FAM3B: variants seen among roughly 807,000 people sequenced by gnomAD.
FAM3B encodes the protein FAM3 metabolism regulating signaling molecule B.
A neutral mutation model predicts 28.4 loss-of-function variants in FAM3B; 29 were observed. The observed-to-expected ratio is 1.02, with a 90% CI of 0.76 to 1.39. The LOEUF (loss-of-function observed/expected upper bound fraction) is 1.39. FAM3B is among the 40% of genes most tolerant of loss of function. The probability of loss-of-function intolerance (pLI) is 0.00; values close to 1 mark genes in which losing one functional copy is unlikely to be tolerated. For missense variants in FAM3B, 266 were observed against 293.9 expected, an observed-to-expected ratio of 0.91 and a Z score of 0.69; for synonymous variants, 91 against 103.0, an observed-to-expected ratio of 0.88 and a Z score of 0.71.
intron 2 of FAM3B, among the ~76,000 whole-genome samples, chr21:41,336,973 C>G (rs956285349): frequency 2.0e-5 from 3 of 152,074 alleles, no homozygotes; most frequent in African/African-American, 7.2e-5. Flanking sequence ...TTAAATCTGT[C>G]GAGCTCATCT....
At chr21:41,314,277 C>T (rs1433032332), upstream of FAM3B, among the ~76,000 whole-genome samples, 1 of 152,198 alleles carries the variant, frequency 6.6e-6, no homozygotes, top group Non-Finnish European at 1.5e-5. Flanking sequence ...CAGCCAGTAC[C>T]TTGACCTTAG....
intron 1 of FAM3B, chr21:41,320,189 A>G (rs1283533122): frequency 6.6e-6 from 1 of 152,062 alleles, no homozygotes; most frequent in South Asian, 2.1e-4. Context: ...GCTCACTGCA[A>G]CCTCAAAGTT....
intron 7 of FAM3B, among the ~76,000 whole-genome samples, chr21:41,351,961 C>T (rs961579116): frequency 5.3e-5 from 8 of 152,184 alleles, no homozygotes; most frequent in Non-Finnish European, 1.0e-4. Context: ...CATAGGCCTG[C>T]GCCTCTTCTG....
At chr21:41,349,857 C>T (rs2838019) in intron 7 of FAM3B, among the ~76,000 whole-genome samples, 15,635 of 152,252 alleles carry the variant, frequency 0.1, 891 homozygotes, top group Middle Eastern at 0.14. Context: ...CCCCTTGTGA[C>T]TTCATGTTCC....
At chr21:41,336,907 G>A (rs1009237605) in intron 2 of FAM3B, among the ~76,000 whole-genome samples, 1 of 151,998 alleles carries the variant, frequency 6.6e-6, no homozygotes, top group Non-Finnish European at 1.5e-5. Context: ...CTCTCTTTTG[G>A]TTTCCATTTG....
At chr21:41,334,103 A>G (rs1483573289) in intron 2 of FAM3B, among the ~76,000 whole-genome samples, 2 of 152,216 alleles carry the variant, frequency 1.3e-5, no homozygotes, top group African/African-American at 4.8e-5. Context: ...ACCTGCGCTT[A>G]TAAGTGTGAG....
chr21:41,308,715 T>G (rs1322210132), intron 1 of FAM3B, among the ~76,000 whole-genome samples: 1 of 151,996 alleles, frequency 6.6e-6, no homozygotes, highest in African/African-American at 2.4e-5. Context: ...AATTTTGTAT[T>G]TTTAGTAGAG....
intron 5 of FAM3B, chr21:41,346,022 T>TTAA (rs577363844): frequency 1.0e-4 from 21 of 202,064 alleles, no homozygotes; most frequent in South Asian, 4.4e-4. Flanking sequence ...GCCTTTTTTT[T>TTAA]AAAAAAAAAA....
chr21:41,338,351 G>A (rs1482655490), intron 2 of FAM3B, 27 bp from the exon 3 acceptor site: 1 of 1,612,990 alleles, frequency 6.2e-7, no homozygotes, highest in Admixed American at 1.7e-5. Context: ...GGATGTTAAT[G>A]GCTATATACT....
At chr21:41,315,237 A>G (rs2123687777), upstream of FAM3B, among the ~76,000 whole-genome samples, 1 of 152,296 alleles carries the variant, frequency 6.6e-6, no homozygotes, top group South Asian at 2.1e-4. Context: ...TAGAGTGCTC[A>G]ACTTCATAGA....
At chr21:41,343,172 T>C (rs1310416953) in intron 3 of FAM3B, among the ~76,000 whole-genome samples, 2 of 152,216 alleles carry the variant, frequency 1.3e-5, no homozygotes, top group Non-Finnish European at 1.5e-5. Context: ...GCTTCCAACT[T>C]CTGTTCCCTT....
chr21:41,312,722 AGTGTGTGT>A (rs10580404), upstream of FAM3B, among the ~76,000 whole-genome samples: 51 of 148,324 alleles, frequency 3.4e-4, no homozygotes, highest in African/African-American at 1.0e-3. Context: ...TGTGTGTGAG[AGTGTGTGT>A]GTGTGTGTGT....
intron 1 of FAM3B, among the ~76,000 whole-genome samples, chr21:41,317,848 A>G (rs1216229321): frequency 6.6e-6 from 1 of 152,136 alleles, no homozygotes; most frequent in Non-Finnish European, 1.5e-5. Flanking sequence ...AAATGTAGGA[A>G]AGCCGCATTT....
chr21:41,346,953 C>T (rs2089066164), intron 5 of FAM3B, 60 bp from the exon 6 acceptor site: 3 of 1,495,456 alleles, frequency 2.0e-6, no homozygotes, highest in Middle Eastern at 3.4e-4. Context: ...AAGCCCAGCA[C>T]CCAAGGCAGA....
chr21:41,339,827 GA>G (rs1434339079), intron 3 of FAM3B, among the ~76,000 whole-genome samples: 3 of 152,204 alleles, frequency 2.0e-5, no homozygotes, highest in Admixed American at 2.0e-4. Context: ...GGTAAGAAGA[GA>G]AAGGAAAGAG....
At chr21:41,333,315 C>G (rs1176694417) in intron 2 of FAM3B, among the ~76,000 whole-genome samples, 1 of 152,116 alleles carries the variant, frequency 6.6e-6, no homozygotes, top group Non-Finnish European at 1.5e-5. Context: ...ATCCTCAATG[C>G]TGGAGATGGG....
rs116655951 is a variant in FAM3B at position 41,336,558 on chromosome 21, A to G, written c.164-1820A>G. Among the ~76,000 whole-genome samples, 954 of 152,326 alleles carry G rather than the reference A, an allele frequency of 6.3e-3. 8 individuals are homozygous for G. Among genetic ancestry groups the G allele is most frequent in the African/African-American group, 0.022 (930 of 41,564 alleles). On this transcript the variant is annotated intron_variant, in intron 2 of 7. Coordinates refer to ENST00000357985, the MANE Select transcript of FAM3B (RefSeq NM_058186.4). ...GAAGTTTAAGAAATAAATTTGTGTT[A>G]TTTACAAATTGCCTAGCCTAAGGTA... is the stretch of plus-strand genomic sequence containing the variant.
At chr21:41,316,042 G>GTT (rs2088746290), upstream of FAM3B, among the ~76,000 whole-genome samples, 3 of 152,158 alleles carry the variant, frequency 2.0e-5, 1 homozygote, top group South Asian at 6.2e-4. Flanking sequence ...TGTTACCTGA[G>GTT]GCCACTGTGA....
intron 2 of FAM3B, among the ~76,000 whole-genome samples, chr21:41,325,389 G>T (rs978178812): frequency 6.6e-6 from 1 of 152,172 alleles, no homozygotes; most frequent in Non-Finnish European, 1.5e-5. Context: ...TTCTTTGTTT[G>T]CCTGGTCTAT....
Sources: allele counts gnomAD v4.1 joint callset (sites outside exome capture counted in the v4.1 genomes callset), GRCh38; gene constraint gnomAD v4.1.1; transcripts MANE v1.5; gene names NCBI Gene and HGNC (gene_info 2026-07-23, HGNC 2026-07-21).